Variants in SLC36A1 observed in about 807,000 individuals in gnomAD.
SLC36A1 encodes proton-coupled amino acid transporter 1.
SLC36A1 carries 30 observed loss-of-function variants against 47.5 expected under a neutral mutation model. The ratio of observed to expected loss-of-function variants is 0.63; its 90% CI spans 0.47 to 0.86. The LOEUF is 0.86. SLC36A1 is among the 40% of genes least tolerant of loss of function. The pLI is 0.00. For missense variants in SLC36A1, 517 were observed against 606.0 expected (o/e 0.85, Z 1.54); for synonymous variants, 255 against 249.7 (o/e 1.02, Z -0.20).
the SLC36A1 span, among the ~76,000 whole-genome samples, chr5:151,530,330 G>A: frequency 6.6e-6 from 1 of 151,594 alleles, no homozygotes; most frequent in African/African-American, 2.4e-5. Flanking sequence ...GTGAGGCACT[G>A]TGTTGATCAA....
At chr5:151,465,641 G>A (rs1486464389) in intron 5 of SLC36A1, among the ~76,000 whole-genome samples, 2 of 152,136 alleles carry the variant, frequency 1.3e-5, no homozygotes, top group Non-Finnish European at 2.9e-5. Flanking sequence ...GACCAGTAGT[G>A]GGAGACACCC....
At chr5:151,368,818 AC>A in the SLC36A1 span, among the ~76,000 whole-genome samples, 1 of 152,170 alleles carries the variant, frequency 6.6e-6, no homozygotes, top group Non-Finnish European at 1.5e-5. Flanking sequence ...ACTCTCAAGG[AC>A]CTCTTCAGGA....
intron 10 of SLC36A1, chr5:151,480,068 A>G (rs1473946038): frequency 2.0e-6 from 3 of 1,506,536 alleles, no homozygotes; most frequent in Non-Finnish European, 2.6e-6. Context: ...AGTGTAAGTT[A>G]AAAGACAGGA....
the SLC36A1 span, among the ~76,000 whole-genome samples, chr5:151,541,180 C>A: frequency 6.6e-5 from 10 of 152,302 alleles, no homozygotes; most frequent in East Asian, 1.7e-3. Flanking sequence ...ACTAAGGACC[C>A]ACCCTAAGTG....
chr5:151,468,304 A>AAAATC, intron 7 of SLC36A1, among the ~76,000 whole-genome samples: 1 of 109,376 alleles, frequency 9.1e-6, no homozygotes, highest in Non-Finnish European at 1.9e-5. Flanking sequence ...TTTTATATAT[A>AAAATC]TATATTTACA....
At chr5:151,476,244 G>C (rs1052445430) in intron 8 of SLC36A1, among the ~76,000 whole-genome samples, 1 of 152,258 alleles carries the variant, frequency 6.6e-6, no homozygotes, top group African/African-American at 2.4e-5. Context: ...CATGACATGA[G>C]AGGGCCTTCT....
At chr5:151,384,380 C>T in the SLC36A1 span, among the ~76,000 whole-genome samples, 64 of 152,316 alleles carry the variant, frequency 4.2e-4, no homozygotes, top group African/African-American at 1.5e-3. Flanking sequence ...CAGGAAGAAA[C>T]AATGCCGGAA....
chr5:151,545,420 C>T, the SLC36A1 span: 1 of 1,614,172 alleles, frequency 6.2e-7, no homozygotes. Flanking sequence ...CTATAATTGA[C>T]TTCTGAGTCT....
At chr5:151,509,933 T>G in the SLC36A1 span, 1 of 1,477,104 alleles carries the variant, frequency 6.8e-7, no homozygotes, top group Non-Finnish European at 9.3e-7. Flanking sequence ...CACTCTCCCC[T>G]GGCCTCCCAT....
chr5:151,462,647 G>T (rs1170362131), intron 2 of SLC36A1, among the ~76,000 whole-genome samples: 2 of 151,376 alleles, frequency 1.3e-5, no homozygotes, highest in Non-Finnish European at 2.9e-5. Flanking sequence ...ACAGGCATGA[G>T]CCACTGCACC....
chr5:151,544,918 A>G, the SLC36A1 span: 2 of 1,614,086 alleles, frequency 1.2e-6, no homozygotes, highest in Middle Eastern at 1.6e-4. Context: ...CAGATGCTTA[A>G]ATTTGGGGGG....
At chr5:151,389,433 T>A in the SLC36A1 span, among the ~76,000 whole-genome samples, 12 of 152,296 alleles carry the variant, frequency 7.9e-5, no homozygotes, top group African/African-American at 2.9e-4. Context: ...AATTATACTT[T>A]AAGTTCTAGG....
intron 7 of SLC36A1, chr5:151,469,415 A>T: frequency 1.8e-6 from 1 of 563,160 alleles, no homozygotes; most frequent in Non-Finnish European, 3.2e-6. Context: ...TCCTGGCTCT[A>T]CCTTGTTGTT....
At chr5:151,449,721 G>T (rs1345237955) in intron 1 of SLC36A1, among the ~76,000 whole-genome samples, 1 of 152,190 alleles carries the variant, frequency 6.6e-6, no homozygotes, top group African/African-American at 2.4e-5. Flanking sequence ...AGAATTAGTG[G>T]TCTCCTGTAT....
At chr5:151,385,843 C>T in the SLC36A1 span, among the ~76,000 whole-genome samples, 1 of 150,992 alleles carries the variant, frequency 6.6e-6, no homozygotes, top group Non-Finnish European at 1.5e-5. Flanking sequence ...AATATGAAAC[C>T]TTTTAAGAAC....
At chr5:151,522,068 G>A in the SLC36A1 span, 6 of 1,595,256 alleles carry the variant, frequency 3.8e-6, no homozygotes, top group Admixed American at 5.0e-5. Context: ...GAGAGGGGAG[G>A]GATGCCACTG....
chr5:151,523,589 T>C, the SLC36A1 span, among the ~76,000 whole-genome samples: 2 of 152,182 alleles, frequency 1.3e-5, no homozygotes, highest in Non-Finnish European at 1.5e-5. Context: ...ATGCAATTGA[T>C]GGTGATGATG....
the SLC36A1 span, among the ~76,000 whole-genome samples, chr5:151,526,759 A>T: frequency 1.3e-5 from 2 of 152,174 alleles, no homozygotes; most frequent in African/African-American, 4.8e-5. Flanking sequence ...GCATAGTAGG[A>T]CCCAGAACTC....
the SLC36A1 span, among the ~76,000 whole-genome samples, chr5:151,400,399 A>G: frequency 7.2e-5 from 11 of 152,292 alleles, no homozygotes; most frequent in Middle Eastern, 3.4e-3. Flanking sequence ...TTAAAATCCA[A>G]TTCACAACTG....
Sources: allele counts gnomAD v4.1 joint callset (sites outside exome capture counted in the v4.1 genomes callset), GRCh38; gene constraint gnomAD v4.1.1; transcripts MANE v1.5; gene names NCBI Gene and HGNC (gene_info 2026-07-23, HGNC 2026-07-21).